The following ZNF385D variants were observed in gnomAD, a reference collection of about 807,000 sequenced individuals.
ZNF385D encodes the protein zinc finger protein 385D.
ZNF385D carries 15 observed loss-of-function variants against 35.8 expected under a neutral mutation model. That is an observed-to-expected ratio of 0.42 (90% CI 0.28 to 0.64). The LOEUF (loss-of-function observed/expected upper bound fraction) is 0.64. ZNF385D is among the 30% of genes least tolerant of loss of function. The pLI, the probability that ZNF385D is intolerant of heterozygous loss-of-function variation, is 0.23. For synonymous variants in ZNF385D, 212 were observed against 186.8 expected (o/e 1.13, Z -1.10); for missense variants, 474 against 494.6 (o/e 0.96, Z 0.39).
In ZNF385D at chr3:21,682,633, G is replaced by A. The variant is rs2066953600; in HGVS notation, c.23-17605C>T. The stretch of plus-strand genomic sequence containing the variant: ...CTAAATCTCATATTGCAATTTTGTG[G>A]GATTCACATGGAAGCTGTACAAAAT... On this transcript the variant is annotated intron_variant, in intron 1 of 7. Coordinates refer to ENST00000281523, the MANE Select transcript of ZNF385D (RefSeq NM_024697.3). Among the ~76,000 whole-genome samples the A allele has an allele frequency of 2.7e-5, 4 of 149,912 alleles. 2 individuals carry two copies.
intron 3 of ZNF385D, among the ~76,000 whole-genome samples, chr3:21,900,234 A>G (rs1239741529): frequency 1.3e-5 from 2 of 152,176 alleles, no homozygotes; most frequent in Admixed American, 1.3e-4. Flanking sequence ...AGAGGAAAAC[A>G]GTTGGAGCCA....
intron 1 of ZNF385D, among the ~76,000 whole-genome samples, chr3:21,673,357 C>T (rs1438164838): frequency 1.3e-5 from 2 of 152,124 alleles, no homozygotes; most frequent in Non-Finnish European, 2.9e-5. Flanking sequence ...TAAAACACTT[C>T]CATTCTCACA....
intron 2 of ZNF385D, among the ~76,000 whole-genome samples, chr3:22,223,976 G>T (rs1161666159): frequency 6.6e-6 from 1 of 152,000 alleles, no homozygotes; most frequent in Non-Finnish European, 1.5e-5. Context: ...TCCAGCATTT[G>T]GTGCCTGGTT....
chr3:21,917,183 C>G (rs779027), intron 3 of ZNF385D, among the ~76,000 whole-genome samples: 139,414 of 152,160 alleles, frequency 0.92, 63,965 homozygotes, highest in East Asian at 0.98. Context: ...TGTAATCCCA[C>G]CACTTTGGGA....
intron 3 of ZNF385D, among the ~76,000 whole-genome samples, chr3:21,995,007 C>A (rs1439405995): frequency 2.6e-5 from 4 of 152,194 alleles, no homozygotes; most frequent in African/African-American, 7.2e-5. Flanking sequence ...CCAGGTAGGC[C>A]AATCCTCTTG....
chr3:21,662,015 T>G (rs2066252812), intron 2 of ZNF385D, among the ~76,000 whole-genome samples: 1 of 152,204 alleles, frequency 6.6e-6, no homozygotes, highest in Admixed American at 6.5e-5. Flanking sequence ...GAGAGATGAC[T>G]GCATATTCAT....
At chr3:21,524,312 GACAA>G (rs569625633) in intron 3 of ZNF385D, among the ~76,000 whole-genome samples, 121 of 152,248 alleles carry the variant, frequency 7.9e-4, no homozygotes, top group African/African-American at 2.9e-3. Context: ...TCATTTGAAA[GACAA>G]ACAAAAAGAA....
At chr3:21,538,710 A>G (rs1320495783) in intron 3 of ZNF385D, among the ~76,000 whole-genome samples, 2 of 152,122 alleles carry the variant, frequency 1.3e-5, no homozygotes, top group Non-Finnish European at 2.9e-5. Context: ...ATACGGTGTG[A>G]ACTGCATATC....
intron 2 of ZNF385D, among the ~76,000 whole-genome samples, chr3:21,658,300 G>T (rs1485797498): frequency 6.6e-6 from 1 of 152,014 alleles, no homozygotes; most frequent in Non-Finnish European, 1.5e-5. Context: ...ATTAACCAGA[G>T]TAAACAAACA....
chr3:21,643,101 CA>C (rs2065654045), intron 2 of ZNF385D, among the ~76,000 whole-genome samples: 1 of 151,006 alleles, frequency 6.6e-6, no homozygotes, highest in Non-Finnish European at 1.5e-5. Context: ...ATTTTATCAC[CA>C]AAAAAAGAAA....
intron 2 of ZNF385D, among the ~76,000 whole-genome samples, chr3:22,300,444 A>G (rs1348974044): frequency 2.0e-5 from 3 of 151,508 alleles, no homozygotes; most frequent in African/African-American, 7.3e-5. Flanking sequence ...GGTAAATGAG[A>G]TGATATCAAA....
rs542682475 is a variant in ZNF385D at position 22,193,393 on chromosome 3, T to C, written c.107-24358A>G. 6.1e-5 allele frequency among the ~76,000 whole-genome samples: 9 copies of C among 148,474 alleles called. No homozygotes were observed. The East Asian group carries it at 1.7e-3, about 29-fold the overall frequency. On this transcript the variant is annotated intron_variant, in intron 2 of 5. Transcript: ENST00000494108. ...CAATTTTGAAATAGATCAAAAAAAT[T>C]AAAATCCTAACCTATTTACTCACTT...
At chr3:21,656,945 C>T (rs951895513) in intron 2 of ZNF385D, among the ~76,000 whole-genome samples, 4 of 151,794 alleles carry the variant, frequency 2.6e-5, no homozygotes, top group Non-Finnish European at 5.9e-5. Flanking sequence ...CTCTTATTTA[C>T]TCAAAATCCC....
intron 3 of ZNF385D, among the ~76,000 whole-genome samples, chr3:22,088,034 C>T (rs932569131): frequency 3.9e-5 from 6 of 152,126 alleles, no homozygotes; most frequent in Admixed American, 1.3e-4. Context: ...CACTCAAAAT[C>T]GGATTCAGCA....
intron 1 of ZNF385D, among the ~76,000 whole-genome samples, chr3:21,701,360 G>C (rs892399333): frequency 6.6e-5 from 10 of 152,056 alleles, no homozygotes; most frequent in South Asian, 2.1e-4. Context: ...GTCAGATCTC[G>C]TGAGACTTAT....
intron 2 of ZNF385D, among the ~76,000 whole-genome samples, chr3:22,237,998 G>A (rs143850935): frequency 6.6e-6 from 1 of 151,014 alleles, no homozygotes; most frequent in Non-Finnish European, 1.5e-5. Context: ...TGAGGTAGGG[G>A]TCCAACTTTA....
intron 1 of ZNF385D, among the ~76,000 whole-genome samples, chr3:21,723,418 G>A (rs1054282033): frequency 7.9e-5 from 12 of 152,210 alleles, no homozygotes; most frequent in Non-Finnish European, 1.3e-4. Flanking sequence ...AAGGTTAGAC[G>A]AATTGCTAAC....
intron 1 of ZNF385D, among the ~76,000 whole-genome samples, chr3:21,722,237 T>C (rs35131237): frequency 6.6e-6 from 1 of 152,062 alleles, no homozygotes; most frequent in Non-Finnish European, 1.5e-5. Flanking sequence ...TGCTTTACAA[T>C]AGCATTTCCC....
intron 4 of ZNF385D, among the ~76,000 whole-genome samples, chr3:21,487,766 T>C (rs183487475): frequency 3.2e-4 from 48 of 152,256 alleles, no homozygotes; most frequent in Non-Finnish European, 6.3e-4. Flanking sequence ...ATCAGATGTG[T>C]AACTTTGGGC....
Sources: allele counts gnomAD v4.1 joint callset (sites outside exome capture counted in the v4.1 genomes callset), GRCh38; gene constraint gnomAD v4.1.1; transcripts MANE v1.5; gene names NCBI Gene and HGNC (gene_info 2026-07-23, HGNC 2026-07-21).